The following DCBLD2 variants were observed in gnomAD, a reference collection of about 807,000 sequenced individuals.
The protein encoded by DCBLD2 is discoidin, CUB and LCCL domain containing 2.
In DCBLD2, 54 loss-of-function variants were observed where a neutral mutation model predicts 86.8. The ratio of observed to expected loss-of-function variants is 0.62; its 90% CI spans 0.50 to 0.78. The LOEUF (loss-of-function observed/expected upper bound fraction) is 0.78, where lower values mean the gene tolerates loss of function less well. Among genes scored for constraint, DCBLD2 ranks in the 30% least tolerant of loss-of-function variants. The pLI, the probability that DCBLD2 is intolerant of heterozygous loss-of-function variation, is 0.00. For synonymous variants in DCBLD2, 354 were observed against 341.3 expected (o/e 1.04, Z -0.41); for missense variants, 908 against 954.2 (o/e 0.95, Z 0.64).
At chr3:98,858,574 C>G (rs937646843) in intron 2 of DCBLD2, among the ~76,000 whole-genome samples, 1 of 152,210 alleles carries the variant, frequency 6.6e-6, no homozygotes, top group African/African-American at 2.4e-5. Flanking sequence ...CACTAAAATG[C>G]TTTCGCATAG....
rs369080404 is a variant in DCBLD2, at chr3:98,842,977, CAT to C, written c.571+6482_571+6483del. Among the ~76,000 whole-genome samples, 964 of 152,208 alleles carry C rather than the reference CAT, an allele frequency of 6.3e-3. 10 individuals are homozygous for C. Among genetic ancestry groups the C allele is most frequent in the African/African-American group, 0.022 (909 of 41,542 alleles). On this transcript the variant is annotated intron_variant, in intron 3 of 15. Transcript: ENST00000326840. Reference sequence around the variant, plus strand: ...CCTAATATGCCAAAAAAATTAAAAACATAGAAAACATTAAAATCATTAAGATG... The same window carrying C: ...CCTAATATGCCAAAAAAATTAAAAACAGAAAACATTAAAATCATTAAGATG...
At chr3:98,864,642 G>C (rs1312046186) in intron 2 of DCBLD2, among the ~76,000 whole-genome samples, 1 of 152,104 alleles carries the variant, frequency 6.6e-6, no homozygotes, top group Admixed American at 6.5e-5. Context: ...CTCATAGGTG[G>C]GAATTGAACA....
chr3:98,895,402 G>A (rs1411879377), intron 1 of DCBLD2: 1 of 152,174 alleles, frequency 6.6e-6, no homozygotes, highest in East Asian at 1.9e-4. Context: ...CACAGGGCAT[G>A]AGTTCAAGAA....
At chr3:98,879,332 A>G (rs1943421040) in intron 2 of DCBLD2, among the ~76,000 whole-genome samples, 1 of 152,182 alleles carries the variant, frequency 6.6e-6, no homozygotes, top group Admixed American at 6.5e-5. Context: ...TATTACATCT[A>G]AAACAGTCAT....
In DCBLD2 at chr3:98,797,654, G is replaced by A. The variant is rs980107293; in HGVS notation, c.*1718C>T. Reference sequence around the variant, plus strand: ...AATCACGCCTCAAAGTTTGGAGAAGGAAAAGCCAGTGAAAATAAGGCCAAA... The same window carrying A: ...AATCACGCCTCAAAGTTTGGAGAAGAAAAAGCCAGTGAAAATAAGGCCAAA... On this transcript the variant is annotated 3_prime_UTR_variant, in exon 16 of 16. Transcript: ENST00000326840. 2 of 152,136 alleles carry A rather than the reference G, an allele frequency of 1.3e-5. No homozygotes were observed. The highest frequency in any genetic ancestry group is 1.3e-4 in the Admixed American group (2 of 15,268). The allele number at this position is 152,136 out of a possible 1,614,324, so 9.4% of individuals were successfully genotyped here. A position where few individuals can be genotyped will look rare whatever the true frequency, so the allele number is the denominator to read the frequency against.
At chr3:98,839,358 T>G (rs1942578364) in intron 3 of DCBLD2, among the ~76,000 whole-genome samples, 1 of 152,120 alleles carries the variant, frequency 6.6e-6, no homozygotes, top group South Asian at 2.1e-4. Flanking sequence ...GTTGAAGTGC[T>G]GTATTTACTT....
chr3:98,842,869 AT>A (rs1417098823), intron 3 of DCBLD2, among the ~76,000 whole-genome samples: 1 of 152,202 alleles, frequency 6.6e-6, no homozygotes, highest in Non-Finnish European at 1.5e-5. Flanking sequence ...TAATAAATAC[AT>A]TAGTATTTAT....
intron 2 of DCBLD2, among the ~76,000 whole-genome samples, chr3:98,857,349 G>A (rs769243325): frequency 3.3e-5 from 5 of 152,178 alleles, no homozygotes; most frequent in Non-Finnish European, 5.9e-5. Context: ...AGTGTGTAAG[G>A]GGACCCAAGC....
At chr3:98,880,610 A>G (rs1462481777) in intron 2 of DCBLD2, among the ~76,000 whole-genome samples, 2 of 152,190 alleles carry the variant, frequency 1.3e-5, no homozygotes, top group Admixed American at 6.5e-5. Flanking sequence ...AGGTGGCTCT[A>G]ATATGCAGCT....
intron 2 of DCBLD2, among the ~76,000 whole-genome samples, chr3:98,857,911 C>T (rs1311152190): frequency 1.3e-5 from 2 of 152,270 alleles, no homozygotes; most frequent in African/African-American, 2.4e-5. Flanking sequence ...CTGGCTGCAC[C>T]CAGTGGATCC....
At chr3:98,868,256 A>C (rs1425961756) in intron 2 of DCBLD2, among the ~76,000 whole-genome samples, 3 of 152,222 alleles carry the variant, frequency 2.0e-5, no homozygotes, top group Non-Finnish European at 4.4e-5. Context: ...GATGAACTTC[A>C]TCCAAACAAT....
At chr3:98,896,170 A>G (rs1297313648) in intron 1 of DCBLD2, among the ~76,000 whole-genome samples, 1 of 152,238 alleles carries the variant, frequency 6.6e-6, no homozygotes, top group Non-Finnish European at 1.5e-5. Context: ...ATGTTTTAGT[A>G]GCCCTTGGAA....
chr3:98,882,793 T>C (rs1299265368), intron 1 of DCBLD2, among the ~76,000 whole-genome samples: 2 of 152,246 alleles, frequency 1.3e-5, no homozygotes, highest in Non-Finnish European at 1.5e-5. Flanking sequence ...GGTGTATATG[T>C]GCCACATTTT....
chr3:98,874,242 T>C (rs1007573423), intron 2 of DCBLD2, among the ~76,000 whole-genome samples: 1 of 152,222 alleles, frequency 6.6e-6, no homozygotes, highest in Non-Finnish European at 1.5e-5. Flanking sequence ...TTTATTTGTA[T>C]GTATAGTATC....
chr3:98,839,294 G>T (rs1254291573), intron 3 of DCBLD2, among the ~76,000 whole-genome samples: 6 of 150,764 alleles, frequency 4.0e-5, no homozygotes, highest in African/African-American at 1.5e-4. Flanking sequence ...GCCCAGGCTG[G>T]AATGCAGTCG....
chr3:98,859,221 G>T, intron 2 of DCBLD2, among the ~76,000 whole-genome samples: 1 of 152,172 alleles, frequency 6.6e-6, no homozygotes, highest in East Asian at 1.9e-4. Flanking sequence ...TAAACAAAGC[G>T]GCCAGGAAGC....
Position 98,799,495 on chromosome 3 carries a change from C to T in DCBLD2, c.2205G>A (p.Pro735=), listed in dbSNP as rs75797963. ...CSSAQAQYDT[P]KAGKPGLPAP... The stretch of plus-strand genomic sequence containing the variant: ...CAGGTAGACCTGGCTTCCCAGCTTT[C>T]GGGGTATCATACTGGGCCTGGGCTG... The change falls in exon 16 of 16, where the codon CCG becomes CCA. Residue 735 remains proline (P), a synonymous_variant. Coordinates refer to ENST00000326840, the MANE Select transcript of DCBLD2 (RefSeq NM_080927.4). 109,818 of 1,613,884 alleles carry T rather than the reference C, an allele frequency of 0.068. 4,249 individuals are homozygous for T. Among genetic ancestry groups the T allele is most frequent in the Non-Finnish European group, 0.078 (92,446 of 1,179,878 alleles).
chr3:98,868,987 A>ATTT (rs1943211231), intron 2 of DCBLD2, among the ~76,000 whole-genome samples: 1 of 152,210 alleles, frequency 6.6e-6, no homozygotes, highest in Admixed American at 6.5e-5. Flanking sequence ...AGATATCAGT[A>ATTT]GTGAGACTGC....
rs148013613 is a variant in DCBLD2 at position 98,819,993 on chromosome 3, A to G, written c.871+255T>C. Among the ~76,000 whole-genome samples, 1,179 of 152,328 alleles carry G rather than the reference A, an allele frequency of 7.7e-3. 26 individuals carry two copies. Among genetic ancestry groups the G allele is most frequent in the African/African-American group, 0.027 (1,125 of 41,576 alleles). The stretch of plus-strand genomic sequence containing the variant: ...CTCAGTAAGTATTTTCTGTTGAACG[A>G]ATTGATTACTTCTTCAGACAAGTTC... On this transcript the variant is annotated intron_variant, in intron 7 of 15. Coordinates refer to ENST00000326840, the MANE Select transcript of DCBLD2 (RefSeq NM_080927.4).
Sources: gnomAD v4.1 joint callset for allele counts (sites outside exome capture counted in the v4.1 genomes callset) on GRCh38, gnomAD v4.1.1 for gene constraint, MANE v1.5 for transcripts, NCBI Gene and HGNC (gene_info 2026-07-23, HGNC 2026-07-21) for gene names.